RAD51AP2: variants seen among roughly 807,000 people sequenced by gnomAD.
The protein encoded by RAD51AP2 is RAD51-associated protein 2.
Under a neutral mutation model 85.5 loss-of-function variants are expected in RAD51AP2, and 67 were observed. That is an observed-to-expected ratio of 0.78 (90% CI 0.64 to 0.96). The LOEUF is 0.96. RAD51AP2 is among the 40% of genes least tolerant of loss of function. The pLI is 0.00. For synonymous variants in RAD51AP2, 474 were observed against 446.5 expected, an observed-to-expected ratio of 1.06 and a Z score of -0.78; for missense variants, 1,307 against 1,332.4, an observed-to-expected ratio of 0.98 and a Z score of 0.30.
chr2:17,534,695 CAG>C, the RAD51AP2 span, among the ~76,000 whole-genome samples: 5 of 152,018 alleles, frequency 3.3e-5, no homozygotes, highest in Non-Finnish European at 5.9e-5. Context: ...AGCTATAAAA[CAG>C]AAGATACTTT....
chr2:17,516,741 T>C lies in RAD51AP2; in HGVS notation c.1675A>G (p.Ile559Val). ...TATATGCTTAAAATTCCATTCTTTATATTTGTATTCATGTTTCTGGTTATT... is the reference window on the plus strand; with the variant it reads ...TATATGCTTAAAATTCCATTCTTTACATTTGTATTCATGTTTCTGGTTATT... ...NLITRNMNTN[I>V]KNGILSIYLQ... Residue 559 changes from isoleucine to valine, a missense_variant, in exon 1 of 3, where the codon ATA becomes GTA. This residue lies in a region of RAD51AP2 where 4 missense variants were observed against 17.7 expected (regional missense o/e 0.23). Coordinates refer to ENST00000399080, the MANE Select transcript of RAD51AP2 (RefSeq NM_001099218.3). The C allele has an allele frequency of 6.4e-7, 1 of 1,572,518 alleles. No individual in the cohort carries two copies. Among genetic ancestry groups the C allele is most frequent in the Non-Finnish European group, 8.7e-7 (1 of 1,154,794 alleles).
the RAD51AP2 span, among the ~76,000 whole-genome samples, chr2:17,528,542 T>C: frequency 6.6e-6 from 1 of 151,958 alleles, no homozygotes; most frequent in Non-Finnish European, 1.5e-5. Flanking sequence ...TAATGAACAG[T>C]TAGAGAAAAA....
intron 2 of RAD51AP2, 47 bp from the exon 3 acceptor site, chr2:17,511,002 G>A: frequency 2.2e-6 from 3 of 1,355,706 alleles, no homozygotes; most frequent in Non-Finnish European, 3.0e-6. Context: ...TAGTTTCTAT[G>A]CCTAAAAATC....
chr2:17,516,789 C>T lies in RAD51AP2; in HGVS notation c.1627G>A (p.Gly543Ser), dbSNP rs753787790. Residue 543 changes from glycine (G) to serine (S), a missense_variant, in exon 1 of 3, where the codon GGT becomes AGT. Around this residue, in one of 3 missense-constraint regions of RAD51AP2, gnomAD observed 635 missense variants for 643.6 expected, o/e 0.99. Transcript: ENST00000399080. The part of the protein sequence containing the change: ...CNILKCKKQI[G>S]IIGIQNLITR... The stretch of plus-strand genomic sequence containing the variant: ...ATTAGATTTTGAATACCAATTATAC[C>T]AATTTGCTTTTTACACTTCAAAATG... 3.2e-6 allele frequency: 5 copies of T among 1,548,300 alleles called. No homozygotes were observed. In the South Asian group the frequency reaches 3.7e-5, roughly 11 times the overall value.
chr2:17,523,167 A>G (rs1662893748), upstream of RAD51AP2, among the ~76,000 whole-genome samples: 1 of 151,940 alleles, frequency 6.6e-6, no homozygotes, highest in Non-Finnish European at 1.5e-5. Context: ...AATACAGTAT[A>G]TAAAGCATTT....
chr2:17,520,313 G>GT (rs1476467187), upstream of RAD51AP2, among the ~76,000 whole-genome samples: 1 of 151,824 alleles, frequency 6.6e-6, no homozygotes, highest in Non-Finnish European at 1.5e-5. Context: ...TTTTTCCTTT[G>GT]TTTTTTTAAA....
Position 17,516,909 on chromosome 2 carries a change from T to C in RAD51AP2, c.1507A>G (p.Asn503Asp). 6.3e-7 allele frequency: 1 copy of C among 1,591,702 alleles called. No homozygotes were observed. The highest frequency in any genetic ancestry group is 8.5e-7 in the Non-Finnish European group (1 of 1,170,534). ...YNTTQKVFHVNNPFESFIIEI... is the reference protein window; with the variant it reads ...YNTTQKVFHVDNPFESFIIEI... ...ATAATGAAACTTTCAAAAGGGTTGT[T>C]CACATGAAAGACTTTTTGTGTAGTA... Residue 503 changes from asparagine to aspartate, a missense_variant, in exon 1 of 3, where the codon AAC (asparagine) becomes GAC (aspartate). Physicochemically the swap from Asn to Asp is conservative, Grantham distance 23. Transcript: ENST00000399080.
At chr2:17,535,935 CAAAAAAAAAAAA>C in the RAD51AP2 span, among the ~76,000 whole-genome samples, 1 of 57,228 alleles carries the variant, frequency 1.7e-5, no homozygotes, top group Non-Finnish European at 3.3e-5. Flanking sequence ...GTAAGAACAC[CAAAAAAAAAAAA>C]AAAAAAAAAA....
upstream of RAD51AP2, among the ~76,000 whole-genome samples, chr2:17,521,500 A>G (rs543698725): frequency 1.4e-4 from 21 of 152,120 alleles, no homozygotes; most frequent in Non-Finnish European, 2.9e-4. Flanking sequence ...TATTTCAAAC[A>G]GTTAAAAGAA....
rs772481282 is a variant in RAD51AP2 at position 17,517,733 on chromosome 2, G to A, written c.683C>T (p.Ser228Leu). Residue 228 changes from serine (S) to leucine (L), a missense_variant, in exon 1 of 3, where the codon TCA (serine) becomes TTA (leucine). Ser to Leu is a moderately radical substitution (Grantham distance 145). Transcript: ENST00000399080. ...VPSNKRENNI[S>L]SSVLKISKSQ... Reference sequence around the variant, plus strand: ...TTTTGATATTTTTAGTACAGATGATGAAATGTTATTTTCTCTTTTATTTGA... The same window carrying A: ...TTTTGATATTTTTAGTACAGATGATAAAATGTTATTTTCTCTTTTATTTGA... The A allele has an allele frequency of 6.2e-7, 1 of 1,613,512 alleles. No homozygotes were observed. The highest frequency in any genetic ancestry group is 8.5e-7 in the Non-Finnish European group (1 of 1,179,836).
the RAD51AP2 span, among the ~76,000 whole-genome samples, chr2:17,532,794 T>C: frequency 0.024 from 3,648 of 152,326 alleles, 168 homozygotes; most frequent in African/African-American, 0.083. Flanking sequence ...TCAAGTTAAT[T>C]AAATATTAAC....
chr2:17,525,231 C>T, the RAD51AP2 span, among the ~76,000 whole-genome samples: 6 of 151,800 alleles, frequency 4.0e-5, no homozygotes, highest in Non-Finnish European at 7.4e-5. Flanking sequence ...AGTATGTATC[C>T]CAGGATTTCT....
the RAD51AP2 span, among the ~76,000 whole-genome samples, chr2:17,528,292 GGTAA>G: frequency 3.3e-5 from 5 of 152,114 alleles, no homozygotes; most frequent in Admixed American, 2.6e-4. Flanking sequence ...TGATTAATAT[GGTAA>G]GTGTTTATTT....
At position 17,516,217 on chromosome 2, in the gene RAD51AP2, T is replaced by C. The variant is rs759826211; in HGVS notation, c.2199A>G (p.Ala733=). 6.2e-7 allele frequency: 1 copy of C among 1,613,242 alleles called. No homozygotes were observed. Among genetic ancestry groups the C allele is most frequent in the African/African-American group, 1.3e-5 (1 of 74,916 alleles). Residue 733 remains alanine (A), a synonymous_variant, in exon 1 of 3, where the codon GCA becomes GCG. Transcript: ENST00000399080. ...TAAATTGAGGACAAGAATTACCATG[T>C]GCTTTAACAGTACTAGAATTATAGT... ...WAHYNSSTVK[A]HGNSCPQFIQ... is the part of the protein sequence containing the mutation.
At chr2:17,520,656 T>C (rs1343758355), upstream of RAD51AP2, among the ~76,000 whole-genome samples, 1 of 152,052 alleles carries the variant, frequency 6.6e-6, no homozygotes, top group Non-Finnish European at 1.5e-5. Context: ...CCTATTAGAG[T>C]TAAATCAGAA....
intron 2 of RAD51AP2, 75 bp from the exon 3 acceptor site, chr2:17,511,030 T>G: frequency 1.1e-6 from 1 of 932,984 alleles, no homozygotes; most frequent in East Asian, 2.9e-5. Flanking sequence ...CTAATCATGA[T>G]ATTAGCAACT....
At chr2:17,512,144 T>C (rs62130396) in intron 2 of RAD51AP2, among the ~76,000 whole-genome samples, 4,485 of 152,168 alleles carry the variant, frequency 0.029, 68 homozygotes, top group Middle Eastern at 0.054. Context: ...GAGAAGGGAT[T>C]CATTGAAGAC....
At position 17,510,856 on chromosome 2, in the gene RAD51AP2, A is replaced by T. The variant is rs1399859638; in HGVS notation, c.3428T>A (p.Leu1143His). 3.1e-6 allele frequency: 5 copies of T among 1,606,896 alleles called. No individual in the cohort carries two copies. The highest frequency in any genetic ancestry group is 4.3e-6 in the Non-Finnish European group (5 of 1,175,930). ...GLSRKARIKQ[L>H]HPYLKQMCYG... is the part of the protein sequence containing the mutation. ...ACACATTTGTTTCAGATAAGGATGA[A>T]GTTGTTTAATCCTTGCTTTTCTTGA... is the stretch of plus-strand genomic sequence containing the variant. Residue 1143 changes from leucine (L) to histidine (H), a missense_variant, in exon 3 of 3, where the codon CTT (leucine) becomes CAT (histidine). Physicochemically the swap from Leu to His is moderately conservative, Grantham distance 99 (BLOSUM62 -3). Around this residue, in one of 3 missense-constraint regions of RAD51AP2, gnomAD observed 668 missense variants for 671.0 expected, o/e 1.00. Transcript: ENST00000399080.
the RAD51AP2 span, among the ~76,000 whole-genome samples, chr2:17,528,536 G>A: frequency 1.3e-5 from 2 of 152,096 alleles, no homozygotes; most frequent in East Asian, 3.9e-4. Flanking sequence ...GCTACCTAAT[G>A]AACAGTTAGA....
Sources: gnomAD v4.1 joint callset for allele counts (sites outside exome capture counted in the v4.1 genomes callset) on GRCh38, gnomAD v4.1.1 for gene constraint, gnomAD v4.1.1 regional missense constraint, MANE v1.5 for transcripts, NCBI Gene and HGNC (gene_info 2026-07-23, HGNC 2026-07-21) for gene names.